Variants in OPA1 observed in about 807,000 individuals in gnomAD.
The protein encoded by OPA1 is dynamin-like GTPase OPA1, mitochondrial.
A neutral mutation model predicts 152.9 loss-of-function variants in OPA1; 59 were observed. That is an observed-to-expected ratio of 0.39 (90% confidence interval 0.31 to 0.48). OPA1 has a LOEUF of 0.48. Ranked by LOEUF, OPA1 falls within the 20% of genes least tolerant of loss-of-function variation. The pLI, the probability that OPA1 is intolerant of heterozygous loss-of-function variation, is 0.96. For missense variants in OPA1, 1,008 were observed against 1,216.8 expected, an observed-to-expected ratio of 0.83 and a Z score of 2.55; for synonymous variants, 400 against 389.9, an observed-to-expected ratio of 1.03 and a Z score of -0.31.
At chr3:193,659,254 G>A (rs987228559) in intron 24 of OPA1, among the ~76,000 whole-genome samples, 3 of 152,130 alleles carry the variant, frequency 2.0e-5, no homozygotes, top group Non-Finnish European at 2.9e-5. Flanking sequence ...GTTCGCTACT[G>A]TACTTATAGG....
rs559918469 is a variant in OPA1 at position 193,629,674 on chromosome 3, AAAG to A, written c.790-1935_790-1933del. Among the ~76,000 whole-genome samples the A allele has an allele frequency of 3.6e-3, 544 of 152,278 alleles. 5 individuals carry two copies. The highest frequency in any genetic ancestry group is 0.013 in the African/African-American group (528 of 41,578). ...CGACTCCGTCTCAAAAAAAAAGAAA[AAAG>A]AAATTATATTTGTAATATTCTACTA... is the stretch of plus-strand genomic sequence containing the variant. On this transcript the variant is annotated intron_variant, in intron 7 of 30. Transcript: ENST00000361510.
chr3:193,649,327 T>G (rs1711822025), intron 21 of OPA1, among the ~76,000 whole-genome samples: 1 of 152,170 alleles, frequency 6.6e-6, no homozygotes, highest in African/African-American at 2.4e-5. Flanking sequence ...TACTTGAAAT[T>G]TTTAAAAATA....
Position 193,631,613 on chromosome 3 carries a change from T to C in OPA1, c.791T>C (p.Val264Ala). 1 of 1,605,100 alleles carries C rather than the reference T, an allele frequency of 6.2e-7. No individual in the cohort carries two copies. The highest frequency in any genetic ancestry group is 8.5e-7 in the Non-Finnish European group (1 of 1,172,056). ...STSYAQQKRK[V>A]SDKEKIDQLQ... ...ACTAAAATTATTTTAAACATTTAGG[T>C]GTCAGACAAAGAGAAAATTGACCAA... The change falls in exon 8 of 31, where the codon GTG becomes GCG. Residue 264 changes from valine (V) to alanine (A), a missense_variant and splice_region_variant. Physicochemically the swap from Val to Ala is moderately conservative, Grantham distance 64. Coordinates refer to ENST00000361510, the MANE Select transcript of OPA1 (RefSeq NM_130837.3).
chr3:193,618,692 T>C, intron 5 of OPA1, 177 bp from the exon 6 acceptor site: 1 of 593,514 alleles, frequency 1.7e-6, no homozygotes. Context: ...TTTTTTTTAT[T>C]TTCTGCACAG....
At chr3:193,623,856 G>C (rs180740754) in intron 6 of OPA1, among the ~76,000 whole-genome samples, 15 of 152,028 alleles carry the variant, frequency 9.9e-5, no homozygotes, top group African/African-American at 3.6e-4. Context: ...TGGTATTTAG[G>C]GTAAGACTGG....
Position 193,645,648 on chromosome 3 carries a change from A to G in OPA1, c.1681+23A>G, listed in dbSNP as rs200416825. The G allele has an allele frequency of 1.8e-3, 2,840 of 1,607,410 alleles. 11 individuals carry two copies. The highest frequency in any genetic ancestry group is 1.7e-3 in the Non-Finnish European group (1,944 of 1,174,132). ...AAGGTATGCAAAGATGGATTATAAT[A>G]ACTTATTTTTAGTTTCTGTTGTTTT... is the stretch of plus-strand genomic sequence containing the variant. On this transcript the variant is annotated intron_variant, in intron 17 of 30. Coordinates refer to ENST00000361510, the MANE Select transcript of OPA1 (RefSeq NM_130837.3).
At chr3:193,634,728 T>G (rs1732678793) in intron 8 of OPA1, among the ~76,000 whole-genome samples, 1 of 152,128 alleles carries the variant, frequency 6.6e-6, no homozygotes, top group Non-Finnish European at 1.5e-5. Flanking sequence ...TTTGAAATAG[T>G]AATATATTAT....
At chr3:193,622,226 C>CTT (rs758993120) in intron 6 of OPA1, among the ~76,000 whole-genome samples, 2,905 of 107,722 alleles carry the variant, frequency 0.027, 174 homozygotes, top group East Asian at 0.037. Flanking sequence ...TACTCTCATT[C>CTT]TTTTTTTTTT....
intron 11 of OPA1, among the ~76,000 whole-genome samples, chr3:193,640,794 T>C (rs1396503951): frequency 1.3e-5 from 2 of 152,102 alleles, no homozygotes; most frequent in African/African-American, 4.8e-5. Flanking sequence ...AATTGGAAGA[T>C]TGAAATTACC....
intron 6 of OPA1, among the ~76,000 whole-genome samples, chr3:193,623,173 G>A (rs540174305): frequency 6.6e-5 from 10 of 152,230 alleles, no homozygotes; most frequent in Non-Finnish European, 1.3e-4. Flanking sequence ...AGCAAAAGGG[G>A]CCAGGCAGCT....
chr3:193,655,257 C>T (rs574202245), intron 22 of OPA1, among the ~76,000 whole-genome samples: 1 of 152,212 alleles, frequency 6.6e-6, no homozygotes, highest in South Asian at 2.1e-4. Context: ...GGTATTGGTA[C>T]TTCTTCCAAA....
intron 26 of OPA1, 95 bp from the exon 27 acceptor site, chr3:193,664,785 T>A (rs1156595545): frequency 1.3e-6 from 1 of 769,436 alleles, no homozygotes; most frequent in Non-Finnish European, 2.3e-6. Context: ...TTAATTAACT[T>A]TTTTGGTAAA....
rs143929819 is a variant in OPA1, at chr3:193,692,127, A to G, written c.3048A>G (p.Ter1016=). The change falls in exon 30 of 31, where the codon TAA becomes TAG. Residue 1016 remains the stop codon, a stop_retained_variant. Transcript: ENST00000361510. ...TTGAAGCTCTTCATCAGGAGAAATA[A>G]ATTAAGTGAGTAAAAATTCTCTAAC... ...AFIEALHQEK[*] is the part of the protein sequence containing the mutation. The G allele has an allele frequency of 9.3e-6, 14 of 1,508,086 alleles. No homozygotes were observed. In the East Asian group the frequency reaches 3.0e-4, roughly 33 times the overall value. 93.4% of individuals were successfully genotyped at this position (1,508,086 alleles called of 1,614,324 possible). A position where few individuals can be genotyped will look rare whatever the true frequency, so the allele number is the denominator to read the frequency against.
rs759660552 is a variant in OPA1 at position 193,618,893 on chromosome 3, G to A, written c.635G>A (p.Arg212Lys). 1 of 1,613,968 alleles carries A rather than the reference G, an allele frequency of 6.2e-7. No individual in the cohort carries two copies. The highest frequency in any genetic ancestry group is 1.7e-5 in the Admixed American group (1 of 60,028). The change falls in exon 6 of 31, where the codon AGA becomes AAA. Residue 212 changes from arginine (R) to lysine (K), a missense_variant. This residue lies in a region of OPA1 where 408 missense variants were observed against 395.1 expected (regional missense o/e 1.03). Transcript: ENST00000361510. ...GGTTCTCCGGAAGAAACGGCGTTTA[G>A]AGCAACAGATCGTGGATCTGAAAGT... Reference protein sequence around the residue: ...LLGSPEETAFRATDRGSESDK... With the variant: ...LLGSPEETAFKATDRGSESDK...
At chr3:193,683,259 G>A (rs1332432605) in intron 29 of OPA1, among the ~76,000 whole-genome samples, 3 of 141,406 alleles carry the variant, frequency 2.1e-5, no homozygotes, top group African/African-American at 8.2e-5. Context: ...AGCAAAGAAA[G>A]TGGTTTCTTT....
At chr3:193,679,310 AGAGG>A (rs965866361) in intron 29 of OPA1, among the ~76,000 whole-genome samples, 7 of 143,502 alleles carry the variant, frequency 4.9e-5, no homozygotes, top group Admixed American at 1.4e-4. Flanking sequence ...AAAGAGAAAG[AGAGG>A]GAGGGAGGGA....
chr3:193,617,786 C>T lies in OPA1; in HGVS notation c.559C>T (p.His187Tyr), dbSNP rs374756648. The part of the protein sequence containing the change: ...SLLKDFFTSG[H>Y]KLVSEVIGAS... ...CCCCTTTTGCTGATTTTTCACAGGTCACAAATTGGTTAGTGAAGTCATAGG... is the reference window on the plus strand; with the variant it reads ...CCCCTTTTGCTGATTTTTCACAGGTTACAAATTGGTTAGTGAAGTCATAGG... Residue 187 changes from histidine to tyrosine, a missense_variant and splice_region_variant, in exon 5 of 31, where the codon CAC becomes TAC. By Grantham distance (83) the His-to-Tyr change is moderately conservative. This residue lies in a region of OPA1 where 408 missense variants were observed against 395.1 expected (regional missense o/e 1.03). Coordinates refer to ENST00000361510, the MANE Select transcript of OPA1 (RefSeq NM_130837.3). 18 of 1,610,750 alleles carry T rather than the reference C, an allele frequency of 1.1e-5. No homozygotes were observed. Among genetic ancestry groups the T allele is most frequent in the Middle Eastern group, 3.3e-4 (2 of 6,072 alleles).
intron 1 of OPA1, among the ~76,000 whole-genome samples, chr3:193,596,365 ATTTTCTTTTC>A (rs71179314): frequency 1.2e-4 from 8 of 68,078 alleles, no homozygotes; most frequent in Non-Finnish European, 2.0e-4. Flanking sequence ...TCTTTTCTTA[ATTTTCTTTTC>A]TTTTCTTTTC....
intron 29 of OPA1, among the ~76,000 whole-genome samples, chr3:193,683,670 G>T (rs1720510784): frequency 6.6e-6 from 1 of 152,074 alleles, no homozygotes; most frequent in Admixed American, 6.5e-5. Context: ...TCAACGTCAG[G>T]GCCAGACCCT....
Sources: allele counts gnomAD v4.1 joint callset (sites outside exome capture counted in the v4.1 genomes callset), GRCh38; gene constraint gnomAD v4.1.1; regional missense constraint gnomAD v4.1.1; transcripts MANE v1.5; gene names NCBI Gene and HGNC (gene_info 2026-07-23, HGNC 2026-07-21).